Variants in SPOCK3 observed in about 807,000 individuals in gnomAD.
The protein encoded by SPOCK3 is testican-3.
In SPOCK3, 30 loss-of-function variants were observed where a neutral mutation model predicts 56.6. That is an observed-to-expected ratio of 0.53 (90% CI 0.40 to 0.72). The LOEUF (loss-of-function observed/expected upper bound fraction) is 0.72. SPOCK3 is among the 30% of genes least tolerant of loss of function. SPOCK3 has a pLI of 0.00. For synonymous variants in SPOCK3, 196 were observed against 183.3 expected, an observed-to-expected ratio of 1.07 and a Z score of -0.56; for missense variants, 527 against 530.0, an observed-to-expected ratio of 0.99 and a Z score of 0.06.
chr4:166,897,152 A>G (rs995340293), intron 5 of SPOCK3, among the ~76,000 whole-genome samples: 1 of 152,268 alleles, frequency 6.6e-6, no homozygotes, highest in East Asian at 1.9e-4. Context: ...GAGAATTAAC[A>G]TATTAATCAT....
intron 6 of SPOCK3, among the ~76,000 whole-genome samples, chr4:166,860,813 A>ATATATATATATATATATATATATG (rs1560943167): frequency 1.4e-5 from 2 of 144,570 alleles, no homozygotes; most frequent in East Asian, 2.0e-4. Flanking sequence ...ATATATATAT[A>ATATATATATATATATATATATATG]TATGTATATA....
At chr4:166,793,333 C>T (rs1741556946) in intron 6 of SPOCK3, among the ~76,000 whole-genome samples, 1 of 152,040 alleles carries the variant, frequency 6.6e-6, no homozygotes, top group Non-Finnish European at 1.5e-5. Context: ...AGACCATTTC[C>T]TAGCTCTAAA....
At chr4:167,175,182 G>A (rs1314857519) in intron 2 of SPOCK3, among the ~76,000 whole-genome samples, 1 of 152,048 alleles carries the variant, frequency 6.6e-6, no homozygotes, top group Non-Finnish European at 1.5e-5. Flanking sequence ...TTATAAAAGG[G>A]AGTTGTTTTT....
chr4:166,949,525 A>T (rs1742245330), intron 4 of SPOCK3, among the ~76,000 whole-genome samples: 1 of 152,162 alleles, frequency 6.6e-6, no homozygotes, highest in East Asian at 1.9e-4. Context: ...TTTAGTGTGG[A>T]TGTCCTTTCT....
At chr4:167,066,644 A>G (rs1039721553) in intron 2 of SPOCK3, among the ~76,000 whole-genome samples, 10 of 151,894 alleles carry the variant, frequency 6.6e-5, no homozygotes, top group Non-Finnish European at 1.5e-4. Flanking sequence ...TTTAATGGCT[A>G]TATAATACTC....
At chr4:167,074,413 C>T (rs1287735302) in intron 2 of SPOCK3, among the ~76,000 whole-genome samples, 6 of 151,838 alleles carry the variant, frequency 4.0e-5, no homozygotes, top group African/African-American at 1.2e-4. Context: ...CAATACTTCA[C>T]GTATTTGGGG....
At chr4:167,195,383 T>C (rs540065598) in intron 2 of SPOCK3, among the ~76,000 whole-genome samples, 52 of 152,246 alleles carry the variant, frequency 3.4e-4, no homozygotes, top group African/African-American at 1.2e-3. Context: ...GCCTGCAGGG[T>C]CACCATGGAT....
intron 2 of SPOCK3, among the ~76,000 whole-genome samples, chr4:167,066,361 T>C (rs1369344167): frequency 6.6e-6 from 1 of 151,802 alleles, no homozygotes; most frequent in African/African-American, 2.4e-5. Context: ...GGGATACTAC[T>C]ACAAGGTGTG....
intron 4 of SPOCK3, among the ~76,000 whole-genome samples, chr4:166,970,241 A>C (rs1432169545): frequency 6.6e-6 from 1 of 152,076 alleles, no homozygotes; most frequent in Non-Finnish European, 1.5e-5. Context: ...TTTTTTGGTC[A>C]TTTATTAGTT....
intron 7 of SPOCK3, among the ~76,000 whole-genome samples, chr4:166,775,019 A>G (rs906171249): frequency 2.0e-5 from 3 of 152,204 alleles, no homozygotes; most frequent in Non-Finnish European, 4.4e-5. Flanking sequence ...TGGGAGGGAC[A>G]TCTTTAGAAT....
intron 6 of SPOCK3, among the ~76,000 whole-genome samples, chr4:166,840,724 G>C (rs1041150361): frequency 2.1e-5 from 3 of 145,588 alleles, no homozygotes; most frequent in Non-Finnish European, 4.5e-5. Context: ...GCACTTAAGA[G>C]AAGGAATAGG....
chr4:166,981,379 C>A (rs142218128), intron 4 of SPOCK3, among the ~76,000 whole-genome samples: 2 of 151,464 alleles, frequency 1.3e-5, no homozygotes, highest in Non-Finnish European at 2.9e-5. Context: ...CTCCTTTCTG[C>A]GGGCAGGAGA....
intron 4 of SPOCK3, among the ~76,000 whole-genome samples, chr4:166,948,194 G>A (rs1043583491): frequency 4.6e-5 from 7 of 152,080 alleles, no homozygotes; most frequent in Admixed American, 2.0e-4. Context: ...ATGACAGGAC[G>A]TTTTTAATGG....
chr4:166,928,639 T>C (rs531354027), intron 4 of SPOCK3, among the ~76,000 whole-genome samples: 1 of 152,232 alleles, frequency 6.6e-6, no homozygotes, highest in Admixed American at 6.5e-5. Context: ...TCCAAACCCA[T>C]AGAATGTACA....
intron 2 of SPOCK3, among the ~76,000 whole-genome samples, chr4:167,224,741 CCT>C (rs1736419100): frequency 6.6e-6 from 1 of 152,070 alleles, no homozygotes; most frequent in Non-Finnish European, 1.5e-5. Flanking sequence ...CTCACTGCAA[CCT>C]CTGACTCCCT....
intron 7 of SPOCK3, among the ~76,000 whole-genome samples, chr4:166,781,808 A>G (rs1677021915): frequency 6.6e-6 from 1 of 152,134 alleles, no homozygotes; most frequent in Non-Finnish European, 1.5e-5. Flanking sequence ...AGTAGTAAAG[A>G]AAATAGCAGA....
At chr4:167,183,177 A>G (rs1385452446) in intron 2 of SPOCK3, among the ~76,000 whole-genome samples, 2 of 152,144 alleles carry the variant, frequency 1.3e-5, no homozygotes, top group Non-Finnish European at 2.9e-5. Context: ...ACTCCCAGCC[A>G]GAAAACCCTA....
intron 2 of SPOCK3, among the ~76,000 whole-genome samples, chr4:167,130,728 A>G (rs1372076135): frequency 6.6e-6 from 1 of 152,202 alleles, no homozygotes; most frequent in Non-Finnish European, 1.5e-5. Context: ...TTTCTCCACT[A>G]GAAATGCTAC....
chr4:167,215,972 G>T (rs1175757091), intron 2 of SPOCK3, among the ~76,000 whole-genome samples: 1 of 152,124 alleles, frequency 6.6e-6, no homozygotes, highest in African/African-American at 2.4e-5. Flanking sequence ...TGGAATTGAA[G>T]AAAGGAAAAT....
Sources: gnomAD v4.1 joint callset for allele counts (sites outside exome capture counted in the v4.1 genomes callset) on GRCh38, gnomAD v4.1.1 for gene constraint, MANE v1.5 for transcripts, NCBI Gene and HGNC (gene_info 2026-07-23, HGNC 2026-07-21) for gene names.